The following EPHB2 variants were observed in gnomAD, a reference collection of about 807,000 sequenced individuals.
EPHB2 encodes the protein EPH receptor B2, also known as ephrin type-B receptor 2.
Under a neutral mutation model 96.4 loss-of-function variants are expected in EPHB2, and 18 were observed. The observed-to-expected ratio is 0.19, with a 90% CI of 0.13 to 0.28. EPHB2 has a LOEUF of 0.28. Among genes scored for constraint, EPHB2 ranks in the 10% least tolerant of loss-of-function variants. The pLI, the probability that EPHB2 is intolerant of heterozygous loss-of-function variation, is 1.00. For missense variants in EPHB2, 989 were observed against 1,355.4 expected (o/e 0.73, Z 4.25); for synonymous variants, 506 against 534.1 (o/e 0.95, Z 0.72).
chr1:22,738,546 G>T (rs192957326), intron 1 of EPHB2, among the ~76,000 whole-genome samples: 1 of 152,318 alleles, frequency 6.6e-6, no homozygotes, highest in East Asian at 1.9e-4. Context: ...AAGTCATCCA[G>T]GTAGTAAATG....
At chr1:22,797,096 T>C (rs1866790) in intron 3 of EPHB2, among the ~76,000 whole-genome samples, 113,735 of 152,042 alleles carry the variant, frequency 0.75, 42,865 homozygotes, top group Middle Eastern at 0.84. Flanking sequence ...AATCTTAGCA[T>C]GGTGAAGTGA....
intron 3 of EPHB2, among the ~76,000 whole-genome samples, chr1:22,857,895 G>A (rs766248646): frequency 2.0e-5 from 3 of 152,092 alleles, no homozygotes; most frequent in Non-Finnish European, 4.4e-5. Context: ...AGACAGACCC[G>A]GCTCCTCCTC....
chr1:22,732,962 G>C (rs1643750189), intron 1 of EPHB2, among the ~76,000 whole-genome samples: 1 of 152,230 alleles, frequency 6.6e-6, no homozygotes, highest in South Asian at 2.1e-4. Context: ...GAGATGAAAG[G>C]ATTTGCCCAA....
chr1:22,784,616 G>T lies in EPHB2; in HGVS notation c.351G>T (p.Glu117Asp). Residue 117 changes from glutamate (E) to aspartate (D), a missense_variant, in exon 3 of 16, where the codon GAG becomes GAT. By Grantham distance (45) the Glu-to-Asp change is conservative. Coordinates refer to ENST00000374630, the MANE Select transcript of EPHB2 (RefSeq NM_017449.5). This position sits in a 1 kb window ranked among gnomAD's most constrained non-coding sequence, Gnocchi z 5.1. ...AGACCTTCAACCTCTATTACTATGAGGCTGACTTTGACTCGGCCACCAAGA... is the reference window on the plus strand; with the variant it reads ...AGACCTTCAACCTCTATTACTATGATGCTGACTTTGACTCGGCCACCAAGA... Reference protein sequence around the residue: ...CKETFNLYYYEADFDSATKTF... With the variant: ...CKETFNLYYYDADFDSATKTF... 1 of 1,614,146 alleles carries T rather than the reference G, an allele frequency of 6.2e-7. No individual in the cohort carries two copies.
At chr1:22,857,888 C>T (rs1332596957) in intron 3 of EPHB2, among the ~76,000 whole-genome samples, 2 of 152,210 alleles carry the variant, frequency 1.3e-5, no homozygotes, top group East Asian at 3.8e-4. Context: ...GAAAGCCAGA[C>T]AGACCCGGCT....
rs1035921082 is a variant in EPHB2 at position 22,865,182 on chromosome 1, G to A, written c.1273G>A (p.Ala425Thr). The A allele has an allele frequency of 6.8e-6, 11 of 1,614,194 alleles. No individual in the cohort carries two copies. In the East Asian group the frequency reaches 8.9e-5, roughly 13 times the overall value. Residue 425 changes from alanine (A) to threonine (T), a missense_variant, in exon 5 of 16, where the codon GCC becomes ACC. Ala to Thr is a moderately conservative substitution (Grantham distance 58). Transcript: ENST00000374630. ...CCAGAGCCCCTTCTCGCCTCAGTTC[G>A]CCTCTGTGAACATCACCACCAACCA... is the stretch of plus-strand genomic sequence containing the variant. Reference protein sequence around the residue: ...TDQSPFSPQFASVNITTNQAA... With the variant: ...TDQSPFSPQFTSVNITTNQAA...
chr1:22,789,270 A>G lies in EPHB2; in HGVS notation c.811+4194A>G, dbSNP rs189031906. ...AAGAGGATGTGGTTTGAAAAGATGC[A>G]TTTAATATTGAGATATAATTTAATA... On this transcript the variant is annotated intron_variant, in intron 3 of 15. Transcript: ENST00000374630. Among the ~76,000 whole-genome samples the G allele has an allele frequency of 3.7e-4, 56 of 152,372 alleles. 1 individual carries two copies. Among genetic ancestry groups the G allele is most frequent in the African/African-American group, 1.3e-3 (54 of 41,588 alleles).
intron 1 of EPHB2, among the ~76,000 whole-genome samples, chr1:22,738,046 A>G (rs907433639): frequency 2.0e-5 from 3 of 152,212 alleles, no homozygotes; most frequent in African/African-American, 7.2e-5. Context: ...CCTTGAGGCA[A>G]GACCTGGTCA....
chr1:22,817,299 A>G (rs1157292824), intron 3 of EPHB2, among the ~76,000 whole-genome samples: 1 of 152,252 alleles, frequency 6.6e-6, no homozygotes, highest in Non-Finnish European at 1.5e-5. Context: ...AAACTCACTG[A>G]ATCCTCATAA....
Position 22,892,901 on chromosome 1 carries a change from C to T in EPHB2, c.1446C>T (p.Asn482=), listed in dbSNP as rs762189253. 9.3e-6 allele frequency: 15 copies of T among 1,614,082 alleles called. No individual in the cohort carries two copies. The highest frequency in any genetic ancestry group is 4.5e-5 in the East Asian group (2 of 44,890). ...QYYEKELSEY[N]ATAIKSPTNT... is the part of the protein sequence containing the mutation. ...CTCGGCAGGAGCTCAGTGAGTACAA[C>T]GCCACAGCCATAAAAAGCCCCACCA... The change falls in exon 7 of 16, where the codon AAC becomes AAT. Residue 482 remains asparagine, a synonymous_variant. Transcript: ENST00000374630.
chr1:22,871,844 C>G (rs557106696), intron 5 of EPHB2, among the ~76,000 whole-genome samples: 1 of 152,148 alleles, frequency 6.6e-6, no homozygotes, highest in Admixed American at 6.5e-5. Flanking sequence ...GGTGAAACCC[C>G]ATCTCTACTA....
chr1:22,760,436 T>C (rs544019877), intron 1 of EPHB2, among the ~76,000 whole-genome samples: 1 of 152,306 alleles, frequency 6.6e-6, no homozygotes, highest in East Asian at 1.9e-4. Context: ...GAGGCAGTCT[T>C]GATGACATCT....
At chr1:22,777,228 T>TCTC (rs544045937) in intron 1 of EPHB2, among the ~76,000 whole-genome samples, 22 of 152,112 alleles carry the variant, frequency 1.4e-4, no homozygotes, top group Non-Finnish European at 2.8e-4. Context: ...ACGGCCAGTC[T>TCTC]CTCCACCTAC....
chr1:22,912,279 T>C (rs1421911912), intron 14 of EPHB2, among the ~76,000 whole-genome samples, 165 bp from the exon 15 acceptor site: 1 of 152,184 alleles, frequency 6.6e-6, no homozygotes, highest in Non-Finnish European at 1.5e-5. Flanking sequence ...TTCAAACCCA[T>C]GCCCGCAATC....
At chr1:22,819,213 C>CTT (rs1553167364) in intron 3 of EPHB2, among the ~76,000 whole-genome samples, 1 of 135,542 alleles carries the variant, frequency 7.4e-6, no homozygotes, top group Non-Finnish European at 1.6e-5. Flanking sequence ...ATGTCTCTCT[C>CTT]TCTCTCTCTC....
intron 3 of EPHB2, among the ~76,000 whole-genome samples, chr1:22,833,403 C>G (rs1216998851): frequency 6.6e-6 from 1 of 152,174 alleles, no homozygotes; most frequent in Non-Finnish European, 1.5e-5. Context: ...CAGGCGTGAG[C>G]CACCATGCCC....
chr1:22,827,106 GAGA>G (rs1430578177), intron 3 of EPHB2, among the ~76,000 whole-genome samples: 2 of 152,178 alleles, frequency 1.3e-5, no homozygotes, highest in African/African-American at 4.8e-5. Context: ...TCTATGAAAG[GAGA>G]AGAACCCCTC....
intron 1 of EPHB2, among the ~76,000 whole-genome samples, chr1:22,721,215 A>G (rs1355707772): frequency 2.0e-5 from 3 of 152,220 alleles, no homozygotes; most frequent in African/African-American, 7.2e-5. Context: ...CCCAGAGCAC[A>G]TGGAAATGTG....
chr1:22,764,591 C>T lies in EPHB2; in HGVS notation c.62-16830C>T, dbSNP rs904638077. 9.9e-5 allele frequency among the ~76,000 whole-genome samples: 15 copies of T among 152,064 alleles called. No individual in the cohort carries two copies. The East Asian group carries it at 1.2e-3, about 12-fold the overall frequency. On this transcript the variant is annotated intron_variant, in intron 1 of 15. Transcript: ENST00000374630. Reference sequence around the variant, plus strand: ...TGAAACCCCGTCTCTACTAAAAATACGAAAATTACCTGGGTGTGGTGGCTC... The same window carrying T: ...TGAAACCCCGTCTCTACTAAAAATATGAAAATTACCTGGGTGTGGTGGCTC...
Sources: gnomAD v4.1 joint callset for allele counts (sites outside exome capture counted in the v4.1 genomes callset) on GRCh38, gnomAD v4.1.1 for gene constraint, Gnocchi (gnomAD v3.1) non-coding constraint, MANE v1.5 for transcripts, NCBI Gene and HGNC (gene_info 2026-07-23, HGNC 2026-07-21) for gene names.